Variants in USP14 observed in about 807,000 individuals in gnomAD.
The protein encoded by USP14 is ubiquitin specific peptidase 14.
In USP14, 38 loss-of-function variants were observed where a neutral mutation model predicts 76.5. That is an observed-to-expected ratio of 0.50 (90% confidence interval 0.38 to 0.65). The LOEUF is 0.65. Among genes scored for constraint, USP14 ranks in the 30% least tolerant of loss-of-function variants. USP14 has a pLI of 0.00. For missense variants in USP14, 467 were observed against 586.5 expected (o/e 0.80, Z 2.10); for synonymous variants, 192 against 191.7 (o/e 1.00, Z -0.01).
At position 168,012 on chromosome 18, in the gene USP14, G is replaced by A. The variant is rs189943506; in HGVS notation, c.195+1193G>A. Among the ~76,000 whole-genome samples, 45 of 139,930 alleles carry A rather than the reference G, an allele frequency of 3.2e-4. No individual in the cohort carries two copies. The Admixed American group carries it at 3.4e-3, about 11-fold the overall frequency. The allele number at this position is 139,930 out of a possible 152,430, so 91.8% of individuals were successfully genotyped here. On this transcript the variant is annotated intron_variant, in intron 3 of 15. Transcript: ENST00000261601. ...GAGTGCAATGGCGCGATCTCGGCTCGCTGCAACCTCTGCCTCCCGGGTTAA... is the reference window on the plus strand; with the variant it reads ...GAGTGCAATGGCGCGATCTCGGCTCACTGCAACCTCTGCCTCCCGGGTTAA...
chr18:209,034 A>G (rs1034425755), intron 13 of USP14, among the ~76,000 whole-genome samples: 1 of 152,176 alleles, frequency 6.6e-6, no homozygotes, highest in African/African-American at 2.4e-5. Context: ...ATTATATTAA[A>G]TTTAAATGTG....
At position 158,569 on chromosome 18, in the gene USP14, T is replaced by G; in HGVS notation, c.-130T>G. The G allele has an allele frequency of 1.1e-6, 1 of 924,046 alleles. No homozygotes were observed. Among genetic ancestry groups the G allele is most frequent in the Non-Finnish European group, 1.6e-6 (1 of 633,218 alleles). 57.2% of individuals were successfully genotyped at this position (924,046 alleles called of 1,614,324 possible). A position where few individuals can be genotyped will look rare whatever the true frequency, so the allele number is the denominator to read the frequency against. Reference sequence around the variant, plus strand: ...CAGTGGCCGGTTTGAATGAGACTCGTCGCACCGAAGCCGCCGCCACCACCG... The same window carrying G: ...CAGTGGCCGGTTTGAATGAGACTCGGCGCACCGAAGCCGCCGCCACCACCG... On this transcript the variant is annotated 5_prime_UTR_variant, in exon 1 of 16. Coordinates refer to ENST00000261601, the MANE Select transcript of USP14 (RefSeq NM_005151.4).
chr18:161,391 A>C (rs1435221743), intron 1 of USP14, among the ~76,000 whole-genome samples: 2 of 152,060 alleles, frequency 1.3e-5, no homozygotes, highest in Non-Finnish European at 2.9e-5. Context: ...CTTTTCTGGG[A>C]ATTCTTCTGT....
At chr18:193,409 C>CT (rs886217540) in intron 6 of USP14, among the ~76,000 whole-genome samples, 49 of 151,072 alleles carry the variant, frequency 3.2e-4, no homozygotes, top group East Asian at 1.6e-3. Context: ...ACAGCCATGC[C>CT]TTTTTTTTTA....
At chr18:199,857 T>A (rs1361056716) in intron 10 of USP14, among the ~76,000 whole-genome samples, 2 of 152,224 alleles carry the variant, frequency 1.3e-5, no homozygotes, top group Non-Finnish European at 2.9e-5. Flanking sequence ...ATCCTGTATT[T>A]CCCCTAGGAG....
intron 3 of USP14, among the ~76,000 whole-genome samples, chr18:172,665 C>T (rs1421923825): frequency 6.6e-6 from 1 of 152,064 alleles, no homozygotes; most frequent in African/African-American, 2.4e-5. Context: ...GAAACAAGAC[C>T]CCCCACCTGC....
chr18:205,991 TTGTC>T (rs1157608386), intron 13 of USP14, among the ~76,000 whole-genome samples: 2 of 152,196 alleles, frequency 1.3e-5, no homozygotes, highest in Non-Finnish European at 2.9e-5. Flanking sequence ...TTTCTAGTGT[TTGTC>T]TGTGATGAAT....
chr18:166,237 T>C lies in USP14; in HGVS notation c.163-550T>C, dbSNP rs73362400. On this transcript the variant is annotated intron_variant, in intron 2 of 15. Coordinates refer to ENST00000261601, the MANE Select transcript of USP14 (RefSeq NM_005151.4). ...TTATGTGTTTTTTAGTATTTGATGC[T>C]GTAAATACAGGTTACTGCCTTTTGT... 4.5e-3 allele frequency among the ~76,000 whole-genome samples: 692 copies of C among 152,358 alleles called. 2 individuals are homozygous for C. Among genetic ancestry groups the C allele is most frequent in the African/African-American group, 0.016 (664 of 41,598 alleles).
Position 158,593 on chromosome 18 carries a change from C to T in USP14, c.-106C>T, listed in dbSNP as rs570449776. ...GTCGCACCGAAGCCGCCGCCACCAC[C>T]GCGCCTCCGCCTCGGCCGCCGCCGC... On this transcript the variant is annotated 5_prime_UTR_variant, in exon 1 of 16. Transcript: ENST00000261601. The T allele has an allele frequency of 5.4e-5, 67 of 1,246,708 alleles. 1 individual carries two copies. In the East Asian group the frequency reaches 6.3e-4, roughly 12 times the overall value. 77.2% of individuals were successfully genotyped at this position (1,246,708 alleles called of 1,614,324 possible).
At chr18:174,458 G>GT (rs982651282) in intron 3 of USP14, among the ~76,000 whole-genome samples, 3 of 151,742 alleles carry the variant, frequency 2.0e-5, no homozygotes, top group Admixed American at 2.0e-4. Context: ...TAGAGACGGG[G>GT]TGTCACCATG....
rs1437827320 is a variant in USP14 at position 197,690 on chromosome 18, T to C, written c.669T>C (p.Val223=). 2 of 1,609,418 alleles carry C rather than the reference T, an allele frequency of 1.2e-6. No homozygotes were observed. The highest frequency in any genetic ancestry group is 1.7e-6 in the Non-Finnish European group (2 of 1,177,366). ...QKLEAIEDDS[V]KETDSSSASA... is the part of the protein sequence containing the mutation. ...TGGAAGCAATAGAGGATGATTCTGT[T>C]AAAGAGGTAATTGAAATATATTTGT... Residue 223 remains valine, a synonymous_variant, in exon 8 of 16, where the codon GTT becomes GTC. Transcript: ENST00000261601.
chr18:192,901 G>A lies in USP14; in HGVS notation c.463+1G>A. 1 of 1,611,586 alleles carries A rather than the reference G, an allele frequency of 6.2e-7. No homozygotes were observed. The highest frequency in any genetic ancestry group is 8.5e-7 in the Non-Finnish European group (1 of 1,178,228). ...GCTTCAGCGCAGTATATTACTGCAG[G>A]TTTGTATACTAAATATACTACTTTT... On this transcript the variant is annotated splice_donor_variant, in intron 6 of 15. Transcript: ENST00000261601. LOFTEE classifies it high-confidence loss of function.
chr18:190,119 C>T (rs976107596), intron 5 of USP14, among the ~76,000 whole-genome samples: 4 of 151,946 alleles, frequency 2.6e-5, no homozygotes, highest in African/African-American at 7.3e-5. Context: ...ATTGGTGGTT[C>T]GTTTATATTC....
At chr18:208,200 C>G (rs1162009511) in intron 13 of USP14, among the ~76,000 whole-genome samples, 1 of 151,638 alleles carries the variant, frequency 6.6e-6, no homozygotes, top group Non-Finnish European at 1.5e-5. Flanking sequence ...TAGGGCTATT[C>G]AAATGATCTA....
At chr18:176,662 G>A (rs1425132450) in intron 3 of USP14, among the ~76,000 whole-genome samples, 3 of 152,008 alleles carry the variant, frequency 2.0e-5, no homozygotes. Flanking sequence ...TAAGATTTGT[G>A]TAGCTAGTTA....
At chr18:185,292 G>A (rs1909898068) in intron 5 of USP14, among the ~76,000 whole-genome samples, 1 of 152,068 alleles carries the variant, frequency 6.6e-6, no homozygotes, top group Non-Finnish European at 1.5e-5. Context: ...CCAAGTAGCT[G>A]GAATTACAGG....
chr18:169,349 A>G lies in USP14; in HGVS notation c.195+2530A>G, dbSNP rs561485880. Among the ~76,000 whole-genome samples the G allele has an allele frequency of 2.1e-3, 301 of 142,818 alleles. 1 individual carries two copies. Among genetic ancestry groups the G allele is most frequent in the African/African-American group, 7.3e-3 (278 of 38,210 alleles). The allele number at this position is 142,818 out of a possible 152,430, so 93.7% of individuals were successfully genotyped here. ...GCACTCCAACCTGGGCAACAGAGCA[A>G]GACTCTACCTCAAAAAAAAAAAAAA... On this transcript the variant is annotated intron_variant, in intron 3 of 15. Coordinates refer to ENST00000261601, the MANE Select transcript of USP14 (RefSeq NM_005151.4).
At chr18:185,124 A>G (rs1026119068) in intron 5 of USP14, among the ~76,000 whole-genome samples, 3 of 151,898 alleles carry the variant, frequency 2.0e-5, no homozygotes, top group African/African-American at 7.3e-5. Flanking sequence ...AACAGTTACT[A>G]GGTTGCTGAT....
rs750192011 is a variant in USP14, at chr18:192,910, C to A, written c.463+10C>A. 3.7e-6 allele frequency: 6 copies of A among 1,608,260 alleles called. No individual in the cohort carries two copies. In the African/African-American group the frequency reaches 8.0e-5, roughly 22 times the overall value. ...CAGTATATTACTGCAGGTTTGTATA[C>A]TAAATATACTACTTTTTGATAGGAG... On this transcript the variant is annotated intron_variant, in intron 6 of 15. Coordinates refer to ENST00000261601, the MANE Select transcript of USP14 (RefSeq NM_005151.4).
Sources: gnomAD v4.1 joint callset for allele counts (sites outside exome capture counted in the v4.1 genomes callset) on GRCh38, gnomAD v4.1.1 for gene constraint, MANE v1.5 for transcripts, NCBI Gene and HGNC (gene_info 2026-07-23, HGNC 2026-07-21) for gene names.